STXBP6: variants seen among roughly 807,000 people sequenced by gnomAD.
The protein encoded by STXBP6 is syntaxin binding protein 6, also known as syntaxin-binding protein 6.
STXBP6 carries 21 observed loss-of-function variants against 26.9 expected under a neutral mutation model. The observed-to-expected ratio is 0.78, with a 90% CI of 0.55 to 1.12. The LOEUF is 1.12. STXBP6 is among the 50% of genes most tolerant of loss of function. The pLI is 0.00. For synonymous variants in STXBP6, 97 were observed against 92.6 expected (o/e 1.05, Z -0.27); for missense variants, 232 against 257.9 (o/e 0.90, Z 0.69).
Position 24,995,702 on chromosome 14 carries a change from A to G in STXBP6, c.-32-20852T>C, listed in dbSNP as rs553008353. 7.9e-5 allele frequency among the ~76,000 whole-genome samples: 12 copies of G among 152,272 alleles called. No homozygotes were observed. In the South Asian group the frequency reaches 2.5e-3, roughly 32 times the overall value. On this transcript the variant is annotated intron_variant, in intron 1 of 5. Coordinates refer to ENST00000323944, the MANE Select transcript of STXBP6 (RefSeq NM_001394410.1). ...TAAACTTCTTGGAAATAAAACTTCT[A>G]TCTCTGGGATTCATTCATGGGCCAA... is the stretch of plus-strand genomic sequence containing the variant.
At chr14:24,824,762 G>A (rs975066463) in intron 4 of STXBP6, among the ~76,000 whole-genome samples, 4 of 152,206 alleles carry the variant, frequency 2.6e-5, no homozygotes, top group Admixed American at 2.6e-4. Context: ...TGGGCAGGAT[G>A]CAGTGTGAAC....
At chr14:24,866,511 C>A (rs2069728067) in intron 2 of STXBP6, among the ~76,000 whole-genome samples, 1 of 151,670 alleles carries the variant, frequency 6.6e-6, no homozygotes, top group African/African-American at 2.4e-5. Context: ...GACTAATAGT[C>A]AATAAGGCAA....
chr14:25,012,413 G>T (rs2075051550), intron 1 of STXBP6, among the ~76,000 whole-genome samples: 1 of 152,068 alleles, frequency 6.6e-6, no homozygotes, highest in East Asian at 1.9e-4. Context: ...GGTACTCGAG[G>T]CCAGGAGTTT....
intron 1 of STXBP6, among the ~76,000 whole-genome samples, chr14:25,001,077 T>C (rs779356496): frequency 1.6e-4 from 24 of 152,166 alleles, no homozygotes; most frequent in Non-Finnish European, 3.1e-4. Flanking sequence ...AATGTCCCCT[T>C]TACCTCTGCA....
intron 2 of STXBP6, among the ~76,000 whole-genome samples, chr14:24,898,216 C>T (rs1359444036): frequency 1.3e-5 from 2 of 152,190 alleles, no homozygotes; most frequent in African/African-American, 4.8e-5. Context: ...ATTCTGAGTA[C>T]AAGGTCTTAC....
intron 4 of STXBP6, among the ~76,000 whole-genome samples, chr14:24,846,837 T>C (rs985513972): frequency 2.0e-5 from 3 of 152,214 alleles, no homozygotes; most frequent in African/African-American, 7.2e-5. Context: ...AATCTTATTA[T>C]TCAACCTTAC....
rs973818556 is a variant in STXBP6, at chr14:24,810,315, A to T, written c.*2394T>A. The T allele has an allele frequency of 6.6e-6, 1 of 152,250 alleles. No homozygotes were observed. The highest frequency in any genetic ancestry group is 1.5e-5 in the Non-Finnish European group (1 of 68,042). 9.4% of individuals were successfully genotyped at this position (152,250 alleles called of 1,614,324 possible). On this transcript the variant is annotated 3_prime_UTR_variant, in exon 6 of 6. Transcript: ENST00000323944. ...AGACCGTATTAATACTTTGCACTGC[A>T]GCACCTTCTACAAGAGGACAGCAAA... is the stretch of plus-strand genomic sequence containing the variant.
In STXBP6 at chr14:24,988,949, G is replaced by A. The variant is rs547319469; in HGVS notation, c.-32-14099C>T. 1.7e-4 allele frequency among the ~76,000 whole-genome samples: 26 copies of A among 152,286 alleles called. No homozygotes were observed. The East Asian group carries it at 2.7e-3, about 16-fold the overall frequency. On this transcript the variant is annotated intron_variant, in intron 1 of 5. Coordinates refer to ENST00000323944, the MANE Select transcript of STXBP6 (RefSeq NM_001394410.1). ...TTTAAAAATGTTCATCCCCACCTACGTACAGAAGTTCACTGAAGTGGGAAG... is the reference window on the plus strand; with the variant it reads ...TTTAAAAATGTTCATCCCCACCTACATACAGAAGTTCACTGAAGTGGGAAG...
intron 1 of STXBP6, among the ~76,000 whole-genome samples, chr14:25,013,506 C>CA: frequency 7.5e-6 from 1 of 132,968 alleles, no homozygotes; most frequent in Non-Finnish European, 1.6e-5. Context: ...ACACACACCC[C>CA]TAAAGGTAAG....
At chr14:24,899,012 G>T (rs908239834) in intron 2 of STXBP6, among the ~76,000 whole-genome samples, 2 of 147,990 alleles carry the variant, frequency 1.4e-5, no homozygotes, top group African/African-American at 5.3e-5. Context: ...GTTCCCCAGA[G>T]GTTGGGGGTG....
chr14:24,987,619 T>A (rs893657086), intron 1 of STXBP6, among the ~76,000 whole-genome samples: 30 of 152,244 alleles, frequency 2.0e-4, no homozygotes, highest in African/African-American at 6.0e-4. Flanking sequence ...GAGAGAGGTA[T>A]GATTGTCTCT....
intron 2 of STXBP6, among the ~76,000 whole-genome samples, chr14:24,938,659 A>C (rs1262086734): frequency 6.6e-6 from 1 of 151,868 alleles, no homozygotes; most frequent in African/African-American, 2.4e-5. Context: ...CTGCATTATA[A>C]AGAATGACAT....
chr14:25,027,865 T>C (rs573982433), intron 1 of STXBP6, among the ~76,000 whole-genome samples: 8 of 152,274 alleles, frequency 5.3e-5, no homozygotes, highest in African/African-American at 1.9e-4. Context: ...ACGAAGAAAA[T>C]GTGACCAGTC....
chr14:24,910,009 C>T (rs1450509481), intron 2 of STXBP6, among the ~76,000 whole-genome samples: 1 of 151,828 alleles, frequency 6.6e-6, no homozygotes, highest in Non-Finnish European at 1.5e-5. Context: ...TCAGCTCTAC[C>T]ACAGGATTGT....
chr14:25,022,293 G>A (rs976227148), intron 1 of STXBP6, among the ~76,000 whole-genome samples: 7 of 152,138 alleles, frequency 4.6e-5, no homozygotes, highest in African/African-American at 1.7e-4. Flanking sequence ...TAGCAAGGCA[G>A]TTCCTAGACC....
At chr14:24,973,180 T>C (rs562204765) in intron 2 of STXBP6, among the ~76,000 whole-genome samples, 1 of 152,322 alleles carries the variant, frequency 6.6e-6, no homozygotes, top group South Asian at 2.1e-4. Context: ...TAGGTGAGGC[T>C]ACTTCTTTCT....
intron 2 of STXBP6, among the ~76,000 whole-genome samples, chr14:24,969,351 C>T (rs1441550317): frequency 6.6e-6 from 1 of 152,150 alleles, no homozygotes; most frequent in Admixed American, 6.5e-5. Flanking sequence ...ATATTACACA[C>T]ACATAATTAA....
intron 1 of STXBP6, among the ~76,000 whole-genome samples, chr14:25,040,120 T>C (rs576820565): frequency 2.6e-5 from 4 of 152,222 alleles, no homozygotes; most frequent in Non-Finnish European, 4.4e-5. Flanking sequence ...GGGCTAGAGG[T>C]CACAGCCTTG....
At chr14:24,857,250 T>C (rs2069370384) in intron 2 of STXBP6, 93 bp from the exon 3 acceptor site, 5 of 1,518,452 alleles carry the variant, frequency 3.3e-6, no homozygotes, top group Middle Eastern at 1.7e-4. Flanking sequence ...CTACTGTGTA[T>C]ATGCACAATA....
Sources: gnomAD v4.1 joint callset for allele counts (sites outside exome capture counted in the v4.1 genomes callset) on GRCh38, gnomAD v4.1.1 for gene constraint, MANE v1.5 for transcripts, NCBI Gene and HGNC (gene_info 2026-07-23, HGNC 2026-07-21) for gene names.